PRKN: variants seen among roughly 807,000 people sequenced by gnomAD.
The protein encoded by PRKN is parkin RBR E3 ubiquitin protein ligase, also known as E3 ubiquitin-protein ligase parkin.
A neutral mutation model predicts 59.5 loss-of-function variants in PRKN; 56 were observed. The ratio of observed to expected loss-of-function variants is 0.94; its 90% CI spans 0.76 to 1.18. The LOEUF is 1.18. PRKN is among the 50% of genes most tolerant of loss of function. The probability of loss-of-function intolerance (pLI) is 0.00; values close to 1 mark genes in which losing one functional copy is unlikely to be tolerated. For synonymous variants in PRKN, 250 were observed against 222.1 expected, an observed-to-expected ratio of 1.13 and a Z score of -1.12; for missense variants, 657 against 596.4, an observed-to-expected ratio of 1.10 and a Z score of -1.06.
chr6:161,420,379 AGGTGCAAG>A (rs771312489), intron 9 of PRKN, among the ~76,000 whole-genome samples: 4 of 152,192 alleles, frequency 2.6e-5, no homozygotes, highest in Admixed American at 2.0e-4. Context: ...CAGTTTTCAA[AGGTGCAAG>A]GGCTGGAGTG....
chr6:161,831,280 T>A, intron 6 of PRKN, among the ~76,000 whole-genome samples: 1 of 152,222 alleles, frequency 6.6e-6, no homozygotes, highest in East Asian at 1.9e-4. Flanking sequence ...AGAACTGACC[T>A]CTATCCCAAG....
At chr6:161,650,075 T>C (rs1224803696) in intron 7 of PRKN, among the ~76,000 whole-genome samples, 1 of 152,060 alleles carries the variant, frequency 6.6e-6, no homozygotes, top group Non-Finnish European at 1.5e-5. Context: ...ATCATACCAG[T>C]CCCCAGAGGT....
At chr6:162,235,980 A>AAGAAAGAAAGAAAGAAAGAAG (rs1778676813) in intron 3 of PRKN, among the ~76,000 whole-genome samples, 1 of 118,094 alleles carries the variant, frequency 8.5e-6, no homozygotes. Flanking sequence ...AAAGAAAGAA[A>AAGAAAGAAAGAAAGAAAGAAG]GAAAGAAAGA....
chr6:161,370,082 A>G (rs1785378649), intron 10 of PRKN: 1 of 358,076 alleles, frequency 2.8e-6, no homozygotes, highest in South Asian at 2.0e-5. Context: ...ACCCTGTGGG[A>G]GTTTGTACAC....
At chr6:162,604,994 T>G (rs9365472) in intron 1 of PRKN, among the ~76,000 whole-genome samples, 31,417 of 152,080 alleles carry the variant, frequency 0.21, 3,595 homozygotes, top group East Asian at 0.49. Flanking sequence ...ATTTTTTTGT[T>G]AGAATATATG....
chr6:161,844,687 C>A (rs557532756), intron 6 of PRKN, among the ~76,000 whole-genome samples: 8 of 152,352 alleles, frequency 5.3e-5, no homozygotes, highest in Admixed American at 5.2e-4. Flanking sequence ...CTCCACCTTT[C>A]CCCGATTCTT....
At chr6:161,746,059 T>C (rs1788400306) in intron 7 of PRKN, among the ~76,000 whole-genome samples, 1 of 152,238 alleles carries the variant, frequency 6.6e-6, no homozygotes, top group African/African-American at 2.4e-5. Flanking sequence ...AGGAACCTCC[T>C]ATGATCCAGG....
intron 8 of PRKN, among the ~76,000 whole-genome samples, chr6:161,567,037 T>TTTTTTTTTTGTGTG (rs548743646): frequency 9.6e-6 from 1 of 103,770 alleles, no homozygotes; most frequent in Non-Finnish European, 1.9e-5. Context: ...TTTTTTTTTT[T>TTTTTTTTTTGTGTG]TGTGTGTGTG....
chr6:162,355,018 C>A (rs537046136), intron 2 of PRKN, among the ~76,000 whole-genome samples: 1 of 151,714 alleles, frequency 6.6e-6, no homozygotes, highest in East Asian at 1.9e-4. Context: ...AACAGAAATA[C>A]TCATTAAATG....
chr6:162,070,794 T>C (rs2128290580), intron 4 of PRKN, among the ~76,000 whole-genome samples: 1 of 152,262 alleles, frequency 6.6e-6, no homozygotes, highest in South Asian at 2.1e-4. Context: ...TGCCACTGAT[T>C]TGACAGGAGG....
intron 2 of PRKN, among the ~76,000 whole-genome samples, chr6:162,298,030 T>C (rs1333801389): frequency 1.3e-5 from 2 of 152,194 alleles, no homozygotes; most frequent in African/African-American, 2.4e-5. Flanking sequence ...CATCCATCCA[T>C]CTTCCATCTT....
intron 1 of PRKN, among the ~76,000 whole-genome samples, chr6:162,447,274 A>G (rs983619071): frequency 6.6e-6 from 1 of 152,170 alleles, no homozygotes; most frequent in Non-Finnish European, 1.5e-5. Flanking sequence ...AATACTAAAT[A>G]AAGTAGCCAA....
chr6:161,966,570 C>A (rs548044580), intron 6 of PRKN, among the ~76,000 whole-genome samples: 10 of 152,298 alleles, frequency 6.6e-5, no homozygotes, highest in African/African-American at 1.7e-4. Flanking sequence ...AACAAGGCAG[C>A]TATTTTGCCT....
intron 1 of PRKN, among the ~76,000 whole-genome samples, chr6:162,548,717 G>T (rs1187673990): frequency 6.6e-6 from 1 of 152,142 alleles, no homozygotes; most frequent in African/African-American, 2.4e-5. Flanking sequence ...ATGAGCTCAG[G>T]TGCAAATTTC....
intron 6 of PRKN, among the ~76,000 whole-genome samples, chr6:161,889,644 G>A (rs1249813603): frequency 2.6e-5 from 4 of 152,132 alleles, no homozygotes; most frequent in Non-Finnish European, 2.9e-5. Context: ...TGGTTATGCC[G>A]GTAGCCACAG....
At chr6:162,360,619 A>G (rs989654768) in intron 2 of PRKN, among the ~76,000 whole-genome samples, 1 of 152,204 alleles carries the variant, frequency 6.6e-6, no homozygotes, top group African/African-American at 2.4e-5. Flanking sequence ...AAAACAAAAA[A>G]CCTACAAACA....
At chr6:162,143,316 T>C (rs1781868208) in intron 4 of PRKN, among the ~76,000 whole-genome samples, 1 of 152,206 alleles carries the variant, frequency 6.6e-6, no homozygotes, top group Non-Finnish European at 1.5e-5. Flanking sequence ...GTACGAGTCT[T>C]TATCAGCAAT....
At chr6:161,905,010 C>T (rs1583326007) in intron 6 of PRKN, among the ~76,000 whole-genome samples, 1 of 152,114 alleles carries the variant, frequency 6.6e-6, no homozygotes, top group Admixed American at 6.6e-5. Context: ...TTGTTTAATG[C>T]TTAGCTACAT....
chr6:161,455,829 C>A (rs1434791806), intron 9 of PRKN, among the ~76,000 whole-genome samples: 1 of 147,698 alleles, frequency 6.8e-6, no homozygotes, highest in Non-Finnish European at 1.5e-5. Flanking sequence ...CGCCACTGCA[C>A]TCCAGCCTGG....
Sources: gnomAD v4.1 joint callset for allele counts (sites outside exome capture counted in the v4.1 genomes callset) on GRCh38, gnomAD v4.1.1 for gene constraint, MANE v1.5 for transcripts, NCBI Gene and HGNC (gene_info 2026-07-23, HGNC 2026-07-21) for gene names.